GPR149: variants seen among roughly 807,000 people sequenced by gnomAD.
GPR149 encodes the protein G protein-coupled receptor 149, also known as probable G protein-coupled receptor 149.
In GPR149, 50 loss-of-function variants were observed where a neutral mutation model predicts 50.2. That is an observed-to-expected ratio of 1.00 (90% CI 0.79 to 1.26). The LOEUF is 1.26. GPR149 is among the 50% of genes most tolerant of loss of function. GPR149 has a pLI of 0.00. For synonymous variants in GPR149, 405 were observed against 358.2 expected (o/e 1.13, Z -1.48); for missense variants, 983 against 895.4 (o/e 1.10, Z -1.25).
rs551122121 is a variant in GPR149 at position 154,366,500 on chromosome 3, G to A, written c.1624-28229C>T. Among the ~76,000 whole-genome samples the A allele has an allele frequency of 9.9e-4, 150 of 152,268 alleles. 1 individual carries two copies. Among genetic ancestry groups the A allele is most frequent in the Non-Finnish European group, 1.9e-3 (129 of 68,024 alleles). On this transcript the variant is annotated intron_variant, in intron 3 of 3. Coordinates refer to ENST00000389740, the MANE Select transcript of GPR149 (RefSeq NM_001038705.3). ...CTGATTTAGGAAAGATTAACTAAGA[G>A]TCTAACACCTTTTAAGGTCCAAAAA...
chr3:154,378,090 T>TCCCCCC (rs1559979445), intron 3 of GPR149, among the ~76,000 whole-genome samples: 1 of 33,888 alleles, frequency 3.0e-5, no homozygotes, highest in African/African-American at 1.5e-4. Context: ...CCCCCCCCCT[T>TCCCCCC]TTTTTTTTTT....
intron 2 of GPR149, among the ~76,000 whole-genome samples, chr3:154,423,650 G>A (rs1217179745): frequency 6.6e-6 from 1 of 151,614 alleles, no homozygotes; most frequent in Non-Finnish European, 1.5e-5. Flanking sequence ...GTTGTAAGGG[G>A]GCGAATCCCT....
chr3:154,404,216 G>C (rs751156712), intron 3 of GPR149, among the ~76,000 whole-genome samples: 4 of 152,090 alleles, frequency 2.6e-5, no homozygotes, highest in Non-Finnish European at 4.4e-5. Context: ...TATTTAATTG[G>C]AGCTATTTGT....
chr3:154,356,648 AG>A (rs1714234673), intron 3 of GPR149, among the ~76,000 whole-genome samples: 1 of 152,216 alleles, frequency 6.6e-6, no homozygotes, highest in African/African-American at 2.4e-5. Flanking sequence ...CTTTTCAAGG[AG>A]AACTACAAAC....
At chr3:154,389,734 T>C (rs1715122049) in intron 3 of GPR149, among the ~76,000 whole-genome samples, 2 of 152,184 alleles carry the variant, frequency 1.3e-5, no homozygotes, top group East Asian at 1.9e-4. Context: ...CCCAAAGCAC[T>C]GAATCCTGTC....
intron 3 of GPR149, among the ~76,000 whole-genome samples, chr3:154,382,895 T>C (rs1263611152): frequency 6.6e-6 from 1 of 152,204 alleles, no homozygotes; most frequent in Non-Finnish European, 1.5e-5. Flanking sequence ...AAAAAATTGC[T>C]CCTTCAGGGA....
At chr3:154,346,717 TC>T (rs1360665400) in intron 3 of GPR149, among the ~76,000 whole-genome samples, 1 of 151,974 alleles carries the variant, frequency 6.6e-6, no homozygotes, top group Non-Finnish European at 1.5e-5. Context: ...TGCCTCAGCC[TC>T]CCGAGTAGCT....
intron 3 of GPR149, chr3:154,353,113 T>G: frequency 6.7e-7 from 1 of 1,482,850 alleles, no homozygotes; most frequent in Non-Finnish European, 9.4e-7. Flanking sequence ...ATGTGTGGAT[T>G]CATGGCCATT....
chr3:154,406,020 T>C (rs1471261365), intron 3 of GPR149, among the ~76,000 whole-genome samples: 1 of 151,920 alleles, frequency 6.6e-6, no homozygotes. Context: ...ACATAGGATA[T>C]AATGGATGAA....
intron 3 of GPR149, among the ~76,000 whole-genome samples, chr3:154,391,006 C>T (rs1715157656): frequency 6.6e-6 from 1 of 151,970 alleles, no homozygotes; most frequent in African/African-American, 2.4e-5. Flanking sequence ...GACTTTCCTT[C>T]ACAAATAAAA....
Position 154,428,861 on chromosome 3 carries a change from G to A in GPR149, c.755C>T (p.Ser252Phe). The change falls in exon 1 of 4, where the codon TCC becomes TTC. Residue 252 changes from serine to phenylalanine, a missense_variant. Ser to Phe is a radical substitution (Grantham distance 155, BLOSUM62 -2). Transcript: ENST00000389740. ...ACTCGGGCCTGGAGCATCCTCTGGG[G>A]ACAGGGAAACCACTCTCCCCGCAGT... is the stretch of plus-strand genomic sequence containing the variant. ...PPTAGRVVSL[S>F]PEDAPGPSLR... 1.2e-6 allele frequency: 2 copies of A among 1,613,924 alleles called. No individual in the cohort carries two copies. The highest frequency in any genetic ancestry group is 4.5e-5 in the East Asian group (2 of 44,852).
intron 3 of GPR149, among the ~76,000 whole-genome samples, chr3:154,378,287 T>C (rs1040731029): frequency 1.3e-5 from 2 of 152,106 alleles, no homozygotes; most frequent in Non-Finnish European, 2.9e-5. Flanking sequence ...AGAGACAGTG[T>C]TTCACCATGT....
chr3:154,366,850 T>C (rs757951671), intron 3 of GPR149, among the ~76,000 whole-genome samples: 6 of 152,250 alleles, frequency 3.9e-5, no homozygotes, highest in Non-Finnish European at 8.8e-5. Flanking sequence ...TTGGGCACAC[T>C]TTCTCAGGAT....
chr3:154,367,341 C>T (rs1483765551), intron 3 of GPR149, among the ~76,000 whole-genome samples: 1 of 41,828 alleles, frequency 2.4e-5, no homozygotes, highest in Non-Finnish European at 5.3e-5. Context: ...TCCCTTCCCC[C>T]CCCCGAAACT....
intron 3 of GPR149, among the ~76,000 whole-genome samples, chr3:154,387,105 T>A: frequency 6.6e-6 from 1 of 152,214 alleles, no homozygotes; most frequent in East Asian, 1.9e-4. Context: ...AATATACATT[T>A]TATACTGAAA....
rs371122169 is a variant in GPR149, at chr3:154,428,670, C to T, written c.946G>A (p.Ala316Thr). Residue 316 changes from alanine (A) to threonine (T), a missense_variant, in exon 1 of 4, where the codon GCG becomes ACG. Transcript: ENST00000389740. The part of the protein sequence containing the change: ...VAQKRFALIL[A>T]LTKVVLWLPM... ...AGCCAAAGGACGACTTTTGTAAGCG[C>T]TAGGATCAAAGCGAAGCGCTTCTGC... 1.9e-6 allele frequency: 3 copies of T among 1,613,418 alleles called. No homozygotes were observed. Among genetic ancestry groups the T allele is most frequent in the African/African-American group, 1.3e-5 (1 of 74,858 alleles).
intron 3 of GPR149, among the ~76,000 whole-genome samples, chr3:154,391,890 ACT>A (rs1715180422): frequency 6.6e-6 from 1 of 151,900 alleles, no homozygotes; most frequent in Non-Finnish European, 1.5e-5. Flanking sequence ...GACAAAATAG[ACT>A]TTAAGTCAAA....
At chr3:154,402,715 T>C (rs983911449) in intron 3 of GPR149, among the ~76,000 whole-genome samples, 2 of 150,070 alleles carry the variant, frequency 1.3e-5, no homozygotes, top group East Asian at 4.0e-4. Context: ...TTCTGTGGTC[T>C]GTAAGTGCGT....
intron 2 of GPR149, among the ~76,000 whole-genome samples, chr3:154,425,284 C>T (rs986595212): frequency 6.6e-6 from 1 of 151,972 alleles, no homozygotes; most frequent in African/African-American, 2.4e-5. Context: ...TATTTTCTCT[C>T]TCTTGCTTCT....
Sources: allele counts gnomAD v4.1 joint callset (sites outside exome capture counted in the v4.1 genomes callset), GRCh38; gene constraint gnomAD v4.1.1; transcripts MANE v1.5; gene names NCBI Gene and HGNC (gene_info 2026-07-23, HGNC 2026-07-21).